Variants in GPBP1L1 observed in about 807,000 individuals in gnomAD.
The protein encoded by GPBP1L1 is vasculin-like protein 1.
A neutral mutation model predicts 52.5 loss-of-function variants in GPBP1L1; 23 were observed. The ratio of observed to expected loss-of-function variants is 0.44; its 90% CI spans 0.32 to 0.62. GPBP1L1 has a LOEUF of 0.62. Among genes scored for constraint, GPBP1L1 ranks in the 20% least tolerant of loss-of-function variants. GPBP1L1 has a pLI of 0.06. For missense variants in GPBP1L1, 596 were observed against 579.3 expected (o/e 1.03, Z -0.30); for synonymous variants, 243 against 203.1 (o/e 1.20, Z -1.67).
intron 2 of GPBP1L1, among the ~76,000 whole-genome samples, chr1:45,674,999 C>T (rs1569879679): frequency 1.3e-5 from 2 of 152,050 alleles, no homozygotes; most frequent in Non-Finnish European, 2.9e-5. Context: ...TCTTCATTAT[C>T]TCATCAATTT....
intron 6 of GPBP1L1, among the ~76,000 whole-genome samples, chr1:45,644,670 A>G (rs1363849356): frequency 6.6e-6 from 1 of 152,114 alleles, no homozygotes; most frequent in Non-Finnish European, 1.5e-5. Context: ...CTCTTTCTAT[A>G]AATTGGTAGT....
chr1:45,664,114 C>T (rs187481405), intron 2 of GPBP1L1, among the ~76,000 whole-genome samples: 47 of 152,146 alleles, frequency 3.1e-4, no homozygotes, highest in African/African-American at 9.6e-4. Context: ...GGGCGGATCA[C>T]GAGGTCAGGA....
intron 2 of GPBP1L1, among the ~76,000 whole-genome samples, chr1:45,683,057 GTTTTTT>G: frequency 6.9e-6 from 1 of 145,328 alleles, no homozygotes; most frequent in East Asian, 2.0e-4. Context: ...TTTCCCATTA[GTTTTTT>G]TTTTTTTAGT....
chr1:45,663,340 T>C (rs1644969710), intron 2 of GPBP1L1, among the ~76,000 whole-genome samples: 1 of 152,064 alleles, frequency 6.6e-6, no homozygotes, highest in Non-Finnish European at 1.5e-5. Flanking sequence ...ACATAAACAA[T>C]TCCCTCTTTT....
intron 2 of GPBP1L1, among the ~76,000 whole-genome samples, chr1:45,664,925 G>A (rs376176268): frequency 8.5e-5 from 13 of 152,088 alleles, no homozygotes; most frequent in East Asian, 7.9e-4. Context: ...ATGATCCACC[G>A]CCTGGGCCTC....
At chr1:45,686,021 A>G (rs1199376419) in intron 1 of GPBP1L1, among the ~76,000 whole-genome samples, 1 of 152,238 alleles carries the variant, frequency 6.6e-6, no homozygotes, top group African/African-American at 2.4e-5. Context: ...AGGAAAACAA[A>G]AGCCCTTAGC....
At chr1:45,666,150 G>A (rs1157659153) in intron 2 of GPBP1L1, among the ~76,000 whole-genome samples, 1 of 150,878 alleles carries the variant, frequency 6.6e-6, no homozygotes, top group African/African-American at 2.4e-5. Flanking sequence ...TTTTTAGACG[G>A]AGTCTTCTGT....
intron 2 of GPBP1L1, among the ~76,000 whole-genome samples, chr1:45,667,807 G>A (rs1231639314): frequency 6.6e-6 from 1 of 152,108 alleles, no homozygotes; most frequent in Non-Finnish European, 1.5e-5. Flanking sequence ...GAGTACAATG[G>A]CTCAATCTTG....
intron 2 of GPBP1L1, among the ~76,000 whole-genome samples, chr1:45,673,535 CT>C: frequency 6.6e-6 from 1 of 152,346 alleles, no homozygotes; most frequent in South Asian, 2.1e-4. Flanking sequence ...ATGAAGCTGA[CT>C]GTGGTTGAAA....
At chr1:45,676,382 C>T (rs1645139119) in intron 2 of GPBP1L1, among the ~76,000 whole-genome samples, 1 of 152,018 alleles carries the variant, frequency 6.6e-6, no homozygotes, top group Admixed American at 6.6e-5. Flanking sequence ...GAGCAGACTG[C>T]TTGAGCCCAG....
chr1:45,658,975 A>G lies in GPBP1L1; in HGVS notation c.60+53T>C, dbSNP rs1644915500. On this transcript the variant is annotated intron_variant, in intron 4 of 12. Coordinates refer to ENST00000355105, the MANE Select transcript of GPBP1L1 (RefSeq NM_021639.5). ...ATGAAACCAAAAAACAACCAAAACC[A>G]CCCCCAAACCCTCTCATATTTGAGA... The G allele has an allele frequency of 8.7e-6, 11 of 1,257,362 alleles. No individual in the cohort carries two copies. In the Admixed American group the frequency reaches 2.0e-4, roughly 23 times the overall value. The allele number at this position is 1,257,362 out of a possible 1,614,324, so 77.9% of individuals were successfully genotyped here.
chr1:45,673,913 C>G lies in GPBP1L1; in HGVS notation c.-1098+11663G>C, dbSNP rs570859742. Among the ~76,000 whole-genome samples the G allele has an allele frequency of 7.2e-5, 11 of 152,182 alleles. No individual in the cohort carries two copies. In the South Asian group the frequency reaches 2.3e-3, roughly 32 times the overall value. ...ACAACAAAGAACCCTAATCAATATA[C>G]TCTCAAAAGTCAATGAAAGCCAGGC... On this transcript the variant is annotated intron_variant, in intron 2 of 12. Coordinates refer to ENST00000355105, the MANE Select transcript of GPBP1L1 (RefSeq NM_021639.5).
chr1:45,656,259 C>G (rs1644883284), intron 4 of GPBP1L1: 1 of 152,132 alleles, frequency 6.6e-6, no homozygotes, highest in Non-Finnish European at 1.5e-5. Flanking sequence ...TAGATGAACT[C>G]TAATATCCCT....
At chr1:45,671,488 G>A (rs1645073203) in intron 2 of GPBP1L1, among the ~76,000 whole-genome samples, 2 of 152,182 alleles carry the variant, frequency 1.3e-5, no homozygotes, top group South Asian at 2.1e-4. Flanking sequence ...TTACAGGCTT[G>A]AGCCACCATG....
At chr1:45,682,726 G>A (rs750820926) in intron 2 of GPBP1L1, among the ~76,000 whole-genome samples, 1 of 152,110 alleles carries the variant, frequency 6.6e-6, no homozygotes, top group African/African-American at 2.4e-5. Context: ...TTAAATGTTT[G>A]CCTAGCACGT....
At chr1:45,664,813 G>C (rs569919751) in intron 2 of GPBP1L1, among the ~76,000 whole-genome samples, 15 of 152,006 alleles carry the variant, frequency 9.9e-5, no homozygotes, top group Admixed American at 9.2e-4. Flanking sequence ...CAAGCAGCTG[G>C]GATTGCAGGC....
chr1:45,634,000 A>G (rs1557694927), intron 9 of GPBP1L1, 96 bp downstream of exon 9: 7 of 1,290,682 alleles, frequency 5.4e-6, no homozygotes, highest in South Asian at 1.6e-5. Context: ...ATATAGCTAC[A>G]AAACAAGTGT....
At chr1:45,672,220 G>C (rs111722908) in intron 2 of GPBP1L1, among the ~76,000 whole-genome samples, 3 of 152,048 alleles carry the variant, frequency 2.0e-5, no homozygotes, top group African/African-American at 7.2e-5. Context: ...AATTAGCTGG[G>C]CATGGTGGCC....
chr1:45,685,689 A>C (rs1177291869), intron 1 of GPBP1L1, 69 bp from the exon 2 acceptor site: 1 of 152,266 alleles, frequency 6.6e-6, no homozygotes, highest in Non-Finnish European at 1.5e-5. Context: ...AAATCTTTAA[A>C]CGTTAATGTA....
Sources: gnomAD v4.1 joint callset for allele counts (sites outside exome capture counted in the v4.1 genomes callset) on GRCh38, gnomAD v4.1.1 for gene constraint, MANE v1.5 for transcripts, NCBI Gene and HGNC (gene_info 2026-07-23, HGNC 2026-07-21) for gene names.